ADCY2: variants seen among roughly 807,000 people sequenced by gnomAD.
ADCY2 encodes adenylate cyclase 2.
Under a neutral mutation model 125.2 loss-of-function variants are expected in ADCY2, and 31 were observed. The observed-to-expected ratio is 0.25, with a 90% confidence interval of 0.19 to 0.33. ADCY2 has a LOEUF of 0.33. Among genes scored for constraint, ADCY2 ranks in the 10% least tolerant of loss-of-function variants. The pLI is 1.00. For missense variants in ADCY2, 904 were observed against 1,418.2 expected, an observed-to-expected ratio of 0.64 and a Z score of 5.82; for synonymous variants, 512 against 548.4, an observed-to-expected ratio of 0.93 and a Z score of 0.93.
At chr5:7,447,361 AGCATCATCCTGGCAGTGG>A (rs1030763357) in intron 2 of ADCY2, among the ~76,000 whole-genome samples, 17 of 152,168 alleles carry the variant, frequency 1.1e-4, no homozygotes, top group African/African-American at 2.4e-4. Context: ...AAGGGCTTGC[AGCATCATCCTGGCAGTGG>A]GCATCATCCT....
chr5:7,565,104 C>T (rs922498045), intron 3 of ADCY2, among the ~76,000 whole-genome samples: 2 of 152,254 alleles, frequency 1.3e-5, no homozygotes, highest in East Asian at 3.9e-4. Flanking sequence ...GGAATAAACG[C>T]ACATGGGCTG....
chr5:7,475,766 T>G (rs1579481501), intron 2 of ADCY2, among the ~76,000 whole-genome samples: 1 of 152,186 alleles, frequency 6.6e-6, no homozygotes, highest in African/African-American at 2.4e-5. Context: ...TCCCAGGCTT[T>G]GGAGGAGGGC....
At chr5:7,701,536 T>C (rs533745920) in intron 7 of ADCY2, among the ~76,000 whole-genome samples, 5 of 152,336 alleles carry the variant, frequency 3.3e-5, no homozygotes, top group Admixed American at 2.6e-4. Flanking sequence ...TGTACAGTTA[T>C]GTGCAGTGAT....
intron 9 of ADCY2, among the ~76,000 whole-genome samples, chr5:7,708,634 T>G (rs761301595): frequency 2.6e-5 from 4 of 152,078 alleles, no homozygotes; most frequent in Admixed American, 6.6e-5. Context: ...TATCATAAAA[T>G]CAACAAGATC....
At chr5:7,475,502 C>T (rs1285939588) in intron 2 of ADCY2, among the ~76,000 whole-genome samples, 2 of 152,108 alleles carry the variant, frequency 1.3e-5, no homozygotes, top group African/African-American at 2.4e-5. Context: ...CTGACTCAGC[C>T]TCCCAAGTAT....
chr5:7,668,429 T>C (rs556548047), intron 4 of ADCY2, among the ~76,000 whole-genome samples: 21 of 152,332 alleles, frequency 1.4e-4, no homozygotes, highest in African/African-American at 4.1e-4. Context: ...AAATGTTCTC[T>C]CTCTCTCTCA....
intron 2 of ADCY2, among the ~76,000 whole-genome samples, chr5:7,441,363 T>C (rs1741007265): frequency 6.6e-6 from 1 of 152,188 alleles, no homozygotes; most frequent in Admixed American, 6.5e-5. Context: ...CGAGTGAAGA[T>C]GCTTCGCTGA....
At chr5:7,660,976 A>G (rs1200827243) in intron 4 of ADCY2, among the ~76,000 whole-genome samples, 1 of 152,166 alleles carries the variant, frequency 6.6e-6, no homozygotes, top group Non-Finnish European at 1.5e-5. Context: ...ACACCAAGCA[A>G]TGTAGAAACT....
chr5:7,521,961 C>T, intron 3 of ADCY2, among the ~76,000 whole-genome samples: 1 of 152,144 alleles, frequency 6.6e-6, no homozygotes, highest in Non-Finnish European at 1.5e-5. Flanking sequence ...TAGAGTTTCA[C>T]CCTGGCTTGT....
chr5:7,566,889 T>C (rs1735910275), intron 3 of ADCY2, among the ~76,000 whole-genome samples: 1 of 152,226 alleles, frequency 6.6e-6, no homozygotes, highest in African/African-American at 2.4e-5. Context: ...TTAAAATGGC[T>C]AAGAAAATAG....
intron 3 of ADCY2, among the ~76,000 whole-genome samples, chr5:7,532,777 G>A (rs1458778275): frequency 6.6e-6 from 1 of 151,970 alleles, no homozygotes; most frequent in Non-Finnish European, 1.5e-5. Flanking sequence ...TGGATTTTCA[G>A]AATTCTCCTC....
chr5:7,478,909 A>G (rs1440795306), intron 2 of ADCY2, among the ~76,000 whole-genome samples: 1 of 152,172 alleles, frequency 6.6e-6, no homozygotes, highest in Admixed American at 6.5e-5. Flanking sequence ...GTTTAATTTG[A>G]TAGTTCAGCG....
intron 3 of ADCY2, among the ~76,000 whole-genome samples, chr5:7,533,424 A>G (rs1328962468): frequency 6.6e-6 from 1 of 151,964 alleles, no homozygotes; most frequent in Non-Finnish European, 1.5e-5. Flanking sequence ...TATTTCTTCA[A>G]GAAATGAATT....
At chr5:7,740,823 AT>A (rs1265684107) in intron 14 of ADCY2, among the ~76,000 whole-genome samples, 1 of 152,132 alleles carries the variant, frequency 6.6e-6, no homozygotes, top group Non-Finnish European at 1.5e-5. Flanking sequence ...AACTAGTAGA[AT>A]ATTTATGTCC....
intron 2 of ADCY2, among the ~76,000 whole-genome samples, chr5:7,475,007 G>A (rs535305916): frequency 9.2e-5 from 14 of 152,312 alleles, no homozygotes; most frequent in Middle Eastern, 6.8e-3. Flanking sequence ...CCCGGGAGGC[G>A]TGGCTTTGGC....
chr5:7,396,385 G>C lies in ADCY2; in HGVS notation c.89G>C (p.Arg30Pro). The change falls in exon 1 of 25, where the codon CGG (arginine) becomes CCG (proline). Residue 30 changes from arginine to proline, a missense_variant. Coordinates refer to ENST00000338316, the MANE Select transcript of ADCY2 (RefSeq NM_020546.3). The surrounding 1 kb of genome is among the most constrained non-coding windows in gnomAD (Gnocchi z 5.7). ...GGCGGAGACGGGCTGCCGCGGTCCC[G>C]GGACTGGCTCTACGAGTCCTACTAC... Reference protein sequence around the residue: ...AGGGDGLPRSRDWLYESYYCM... With the variant: ...AGGGDGLPRSPDWLYESYYCM... The C allele has an allele frequency of 6.4e-7, 1 of 1,564,516 alleles. No homozygotes were observed. The highest frequency in any genetic ancestry group is 8.6e-7 in the Non-Finnish European group (1 of 1,156,544).
intron 11 of ADCY2, among the ~76,000 whole-genome samples, chr5:7,716,462 A>T (rs1741593488): frequency 6.6e-6 from 1 of 152,220 alleles, no homozygotes; most frequent in Non-Finnish European, 1.5e-5. Flanking sequence ...AGAGAAAGTT[A>T]CTTTATCTCA....
intron 1 of ADCY2, among the ~76,000 whole-genome samples, chr5:7,401,029 G>A (rs955034117): frequency 6.6e-6 from 1 of 152,174 alleles, no homozygotes; most frequent in South Asian, 2.1e-4. Flanking sequence ...GCCTGTGTGG[G>A]AGTTGTGGCT....
chr5:7,567,742 T>A (rs1330555606), intron 3 of ADCY2, among the ~76,000 whole-genome samples: 1 of 152,180 alleles, frequency 6.6e-6, no homozygotes, highest in Non-Finnish European at 1.5e-5. Context: ...TAGAAGTACA[T>A]AACATTTATA....
Sources: allele counts gnomAD v4.1 joint callset (sites outside exome capture counted in the v4.1 genomes callset), GRCh38; gene constraint gnomAD v4.1.1; non-coding constraint Gnocchi (gnomAD v3.1); transcripts MANE v1.5; gene names NCBI Gene and HGNC (gene_info 2026-07-23, HGNC 2026-07-21).